DDC: variants seen among roughly 807,000 people sequenced by gnomAD.
DDC encodes dopa decarboxylase.
DDC carries 43 observed loss-of-function variants against 60.0 expected under a neutral mutation model. That is an observed-to-expected ratio of 0.72 (90% CI 0.56 to 0.92). DDC has a LOEUF of 0.92. DDC is among the 40% of genes least tolerant of loss of function. The pLI, the probability that DDC is intolerant of heterozygous loss-of-function variation, is 0.00. For missense variants in DDC, 573 were observed against 620.2 expected (o/e 0.92, Z 0.81); for synonymous variants, 232 against 234.6 (o/e 0.99, Z 0.10).
chr7:50,518,346 C>G (rs1049307921), intron 6 of DDC, among the ~76,000 whole-genome samples: 3 of 152,002 alleles, frequency 2.0e-5, no homozygotes. Context: ...CAATCCCCAT[C>G]AAAATACCAC....
At chr7:50,488,285 T>C (rs1562995988) in intron 9 of DDC, among the ~76,000 whole-genome samples, 1 of 151,796 alleles carries the variant, frequency 6.6e-6, no homozygotes, top group Admixed American at 6.6e-5. Context: ...AAAAAAAATA[T>C]AGGAAAATGT....
intron 14 of DDC, among the ~76,000 whole-genome samples, chr7:50,461,530 C>A (rs2242039): frequency 6.6e-6 from 1 of 152,270 alleles, no homozygotes; most frequent in East Asian, 1.9e-4. Flanking sequence ...CGGAAACACA[C>A]CTTTGCTGAT....
intron 6 of DDC, among the ~76,000 whole-genome samples, chr7:50,520,229 T>C (rs1035436583): frequency 2.0e-5 from 3 of 152,228 alleles, no homozygotes; most frequent in Non-Finnish European, 4.4e-5. Flanking sequence ...ATATATTTTC[T>C]TTCTCACGCT....
chr7:50,466,723 G>A (rs11575526), intron 13 of DDC, among the ~76,000 whole-genome samples: 327 of 152,282 alleles, frequency 2.1e-3, no homozygotes, highest in Admixed American at 6.5e-3. Context: ...ATAACAGCAC[G>A]CCACAACACA....
chr7:50,473,971 C>G (rs372076431), intron 11 of DDC, among the ~76,000 whole-genome samples: 1 of 152,310 alleles, frequency 6.6e-6, no homozygotes, highest in Non-Finnish European at 1.5e-5. Context: ...CTCTGAGTAG[C>G]TGCAGGAGCA....
intron 11 of DDC, among the ~76,000 whole-genome samples, chr7:50,472,296 C>T (rs147588920): frequency 1.3e-5 from 2 of 152,230 alleles, no homozygotes; most frequent in Admixed American, 6.5e-5. Context: ...TGTTGATGGA[C>T]GTACTTAAAT....
Position 50,480,955 on chromosome 7 carries a change from G to A in DDC, c.945-1092C>T, listed in dbSNP as rs545396899. Reference sequence around the variant, plus strand: ...GCCTTTGAAGGGCCTGTGCTTTACGGTAATTGCCATTGCTCTGCTTCATTG... The same window carrying A: ...GCCTTTGAAGGGCCTGTGCTTTACGATAATTGCCATTGCTCTGCTTCATTG... On this transcript the variant is annotated intron_variant, in intron 9 of 14. Transcript: ENST00000444124. Among the ~76,000 whole-genome samples, 3 of 152,198 alleles carry A rather than the reference G, an allele frequency of 2.0e-5. No homozygotes were observed. In the South Asian group the frequency reaches 6.2e-4, roughly 32 times the overall value.
intron 13 of DDC, among the ~76,000 whole-genome samples, chr7:50,465,113 A>C (rs2042366144): frequency 6.6e-6 from 1 of 152,260 alleles, no homozygotes; most frequent in Admixed American, 6.5e-5. Flanking sequence ...CAAATTATGC[A>C]AATAAAATAA....
chr7:50,535,789 TC>T (rs1419824685), intron 4 of DDC, among the ~76,000 whole-genome samples: 1 of 152,180 alleles, frequency 6.6e-6, no homozygotes, highest in Non-Finnish European at 1.5e-5. Flanking sequence ...TGTGACTGTT[TC>T]CCTTCCAGGG....
intron 14 of DDC, among the ~76,000 whole-genome samples, chr7:50,459,373 C>G (rs958941594): frequency 9.9e-5 from 15 of 152,212 alleles, no homozygotes; most frequent in African/African-American, 2.7e-4. Flanking sequence ...TCTGCCCGGC[C>G]GCCACCCCGG....
intron 11 of DDC, among the ~76,000 whole-genome samples, chr7:50,471,833 C>A (rs1436400231): frequency 1.3e-5 from 2 of 152,184 alleles, no homozygotes; most frequent in Non-Finnish European, 2.9e-5. Flanking sequence ...TATCCCACCA[C>A]TAGCTGACTG....
At chr7:50,472,935 T>C (rs1461998069) in intron 11 of DDC, among the ~76,000 whole-genome samples, 2 of 152,102 alleles carry the variant, frequency 1.3e-5, no homozygotes, top group Non-Finnish European at 2.9e-5. Flanking sequence ...CGCCTTAGGT[T>C]TGGGTTTCCA....
intron 9 of DDC, among the ~76,000 whole-genome samples, chr7:50,485,999 T>C (rs1272217737): frequency 6.6e-6 from 1 of 152,238 alleles, no homozygotes; most frequent in Admixed American, 6.5e-5. Flanking sequence ...GCCATTTTAA[T>C]GTAACGGTGT....
intron 1 of DDC, among the ~76,000 whole-genome samples, chr7:50,546,528 A>G (rs774974677): frequency 3.3e-5 from 5 of 152,248 alleles, no homozygotes; most frequent in Non-Finnish European, 7.3e-5. Context: ...CAGAAGGCCA[A>G]GGAGGAGACT....
intron 14 of DDC, among the ~76,000 whole-genome samples, chr7:50,461,076 T>A (rs552705756): frequency 6.6e-6 from 1 of 151,644 alleles, no homozygotes; most frequent in African/African-American, 2.4e-5. Flanking sequence ...TAAATAAAAA[T>A]TAAAAAAATA....
chr7:50,467,678 G>C (rs922350127), intron 12 of DDC, among the ~76,000 whole-genome samples: 2 of 152,216 alleles, frequency 1.3e-5, no homozygotes, highest in Admixed American at 6.5e-5. Flanking sequence ...TGTGCTTGAG[G>C]TGCCAGCGCT....
At chr7:50,460,415 G>C (rs574442053) in intron 14 of DDC, among the ~76,000 whole-genome samples, 1 of 146,668 alleles carries the variant, frequency 6.8e-6, no homozygotes, top group Non-Finnish European at 1.5e-5. Context: ...AGGTGGGGGG[G>C]TCAGCCCCCT....
rs1469314256 is a variant in DDC at position 50,527,917 on chromosome 7, G to A, written c.714+220C>T. 1.9e-5 allele frequency: 9 copies of A among 486,424 alleles called. No homozygotes were observed. In the East Asian group the frequency reaches 3.5e-4, roughly 19 times the overall value. The allele number at this position is 486,424 out of a possible 1,614,324, so 30.1% of individuals were successfully genotyped here. A position where few individuals can be genotyped will look rare whatever the true frequency, so the allele number is the denominator to read the frequency against. Reference sequence around the variant, plus strand: ...TTTCTCAAAGATTAATTTTTTTTGAGACAGAGTCTTGCTCTGTCACACAGG... The same window carrying A: ...TTTCTCAAAGATTAATTTTTTTTGAAACAGAGTCTTGCTCTGTCACACAGG... On this transcript the variant is annotated intron_variant, in intron 6 of 14. Coordinates refer to ENST00000444124, the MANE Select transcript of DDC (RefSeq NM_001082971.2).
chr7:50,545,952 A>G (rs539104483), intron 1 of DDC, among the ~76,000 whole-genome samples: 3 of 152,178 alleles, frequency 2.0e-5, no homozygotes, highest in Non-Finnish European at 2.9e-5. Context: ...AATCTTTTTC[A>G]TACTCCAAAG....
Sources: allele counts gnomAD v4.1 joint callset (sites outside exome capture counted in the v4.1 genomes callset), GRCh38; gene constraint gnomAD v4.1.1; transcripts MANE v1.5; gene names NCBI Gene and HGNC (gene_info 2026-07-23, HGNC 2026-07-21).